The following FRAS1 variants were observed in gnomAD, a reference collection of about 807,000 sequenced individuals.
FRAS1 encodes extracellular matrix organizing protein FRAS1.
In FRAS1, 290 loss-of-function variants were observed where a neutral mutation model predicts 435.2. The observed-to-expected ratio is 0.67, with a 90% confidence interval of 0.61 to 0.73. The LOEUF is 0.73. FRAS1 is among the 30% of genes least tolerant of loss of function. The pLI is 0.00. For synonymous variants in FRAS1, 1,800 were observed against 1,851.0 expected (o/e 0.97, Z 0.71); for missense variants, 4,860 against 5,001.5 (o/e 0.97, Z 0.85).
intron 2 of FRAS1, among the ~76,000 whole-genome samples, chr4:78,194,523 G>C (rs911426047): frequency 6.6e-6 from 1 of 151,952 alleles, no homozygotes; most frequent in African/African-American, 2.4e-5. Context: ...TCATTCATTT[G>C]ATCTTCCATC....
intron 2 of FRAS1, among the ~76,000 whole-genome samples, chr4:78,165,121 C>A (rs929501930): frequency 6.6e-6 from 1 of 152,096 alleles, no homozygotes; most frequent in Non-Finnish European, 1.5e-5. Context: ...TGGTTAATGT[C>A]CAGGTAAAAC....
chr4:78,408,831 T>C (rs769859323), intron 31 of FRAS1, among the ~76,000 whole-genome samples: 20 of 152,054 alleles, frequency 1.3e-4, no homozygotes, highest in Non-Finnish European at 2.6e-4. Context: ...GGACAAGAAG[T>C]ATACTGCATA....
chr4:78,237,978 A>G (rs1027529132), intron 3 of FRAS1, among the ~76,000 whole-genome samples: 1 of 152,222 alleles, frequency 6.6e-6, no homozygotes, highest in Admixed American at 6.5e-5. Context: ...AACCATGATC[A>G]TGCAATTAAT....
chr4:78,527,041 A>G (rs1578374851), intron 70 of FRAS1, among the ~76,000 whole-genome samples: 1 of 152,312 alleles, frequency 6.6e-6, no homozygotes, highest in Admixed American at 6.5e-5. Context: ...TATGATAACC[A>G]TGAGTTCAAT....
At position 78,540,702 on chromosome 4, in the gene FRAS1, G is replaced by A. The variant is rs538116272; in HGVS notation, c.11617G>A (p.Glu3873Lys). The change falls in exon 74 of 74, where the codon GAA becomes AAA. Residue 3873 changes from glutamate (E) to lysine (K), a missense_variant. Transcript: ENST00000512123. ...TGATGATTCCCTCATCTATGACAAT[G>A]AAGGAGACCAAGTCAAGAATGGCAC... ...ILDDSLIYDNEGDQVKNGTNM... is the reference protein window; with the variant it reads ...ILDDSLIYDNKGDQVKNGTNM... The A allele has an allele frequency of 2.5e-6, 4 of 1,613,722 alleles. No individual in the cohort carries two copies. Among genetic ancestry groups the A allele is most frequent in the Non-Finnish European group, 3.4e-6 (4 of 1,179,830 alleles).
intron 6 of FRAS1, among the ~76,000 whole-genome samples, chr4:78,258,646 T>C (rs1241631434): frequency 6.7e-6 from 1 of 148,802 alleles, no homozygotes; most frequent in African/African-American, 2.4e-5. Flanking sequence ...TAGATATTCT[T>C]TAAATTTTTA....
chr4:78,336,707 T>G (rs888852963), intron 19 of FRAS1, among the ~76,000 whole-genome samples: 2 of 152,180 alleles, frequency 1.3e-5, no homozygotes, highest in Non-Finnish European at 2.9e-5. Context: ...GAGGCTTTAC[T>G]TGAAATCTGT....
chr4:78,532,481 A>G (rs1721744480), intron 70 of FRAS1, among the ~76,000 whole-genome samples: 1 of 152,146 alleles, frequency 6.6e-6, no homozygotes, highest in African/African-American at 2.4e-5. Context: ...TAACATACCC[A>G]TCTCCTCACT....
At position 78,539,393 on chromosome 4, in the gene FRAS1, A is replaced by G. The variant is rs762575219; in HGVS notation, c.11398A>G (p.Met3800Val). ...ELPDFHVVSN[M>V]PGVDGFTLKV... ...GCCTGATTTCCATGTGGTCAGTAAC[A>G]TGCCAGGTGTGGATGGATTTACTCT... The change falls in exon 73 of 74, where the codon ATG becomes GTG. Residue 3800 changes from methionine (M) to valine (V), a missense_variant. Transcript: ENST00000512123. The G allele has an allele frequency of 1.2e-6, 2 of 1,612,734 alleles. No individual in the cohort carries two copies. The highest frequency in any genetic ancestry group is 2.2e-5 in the East Asian group (1 of 44,816).
intron 35 of FRAS1, 97 bp from the exon 36 acceptor site, chr4:78,428,998 T>C: frequency 7.6e-7 from 1 of 1,319,962 alleles, no homozygotes; most frequent in Non-Finnish European, 1.0e-6. Context: ...GGAAACTGCC[T>C]GAAGAGGACC....
At chr4:78,062,735 C>G (rs28473654) in intron 1 of FRAS1, among the ~76,000 whole-genome samples, 4,458 of 152,222 alleles carry the variant, frequency 0.029, 210 homozygotes, top group African/African-American at 0.1. Flanking sequence ...TATGCAGTAA[C>G]GTTTTTTCTG....
intron 2 of FRAS1, among the ~76,000 whole-genome samples, chr4:78,114,800 C>G (rs1486954439): frequency 6.6e-6 from 1 of 152,236 alleles, no homozygotes; most frequent in Non-Finnish European, 1.5e-5. Flanking sequence ...TTCCTCTTTT[C>G]CTAATTGAAA....
chr4:78,513,297 T>C (rs1390025891), intron 64 of FRAS1, 95 bp from the exon 65 acceptor site: 8 of 1,272,266 alleles, frequency 6.3e-6, no homozygotes, highest in South Asian at 1.3e-5. Flanking sequence ...TGGTAGCTCA[T>C]TGGTGAAGAC....
At chr4:78,338,024 G>A (rs1180847201) in intron 20 of FRAS1, 2 of 533,650 alleles carry the variant, frequency 3.7e-6, no homozygotes, top group Non-Finnish European at 6.7e-6. Flanking sequence ...TAATACTCTT[G>A]CAAATCCTGA....
At chr4:78,373,717 G>C (rs1731605411) in intron 24 of FRAS1, among the ~76,000 whole-genome samples, 1 of 151,970 alleles carries the variant, frequency 6.6e-6, no homozygotes, top group Admixed American at 6.6e-5. Flanking sequence ...AGAGGTTGCG[G>C]TGAGCCGAGA....
At chr4:78,190,325 A>T (rs1385136389) in intron 2 of FRAS1, among the ~76,000 whole-genome samples, 1 of 152,034 alleles carries the variant, frequency 6.6e-6, no homozygotes, top group Non-Finnish European at 1.5e-5. Context: ...ACCCCACATG[A>T]CTGGCTCCCC....
intron 58 of FRAS1, among the ~76,000 whole-genome samples, chr4:78,488,251 C>A (rs1720234452): frequency 6.6e-6 from 1 of 152,224 alleles, no homozygotes; most frequent in African/African-American, 2.4e-5. Flanking sequence ...AATTTCTTTT[C>A]ACTATTTTAT....
intron 2 of FRAS1, among the ~76,000 whole-genome samples, chr4:78,096,563 G>A (rs1363818937): frequency 6.6e-6 from 1 of 152,186 alleles, no homozygotes; most frequent in Non-Finnish European, 1.5e-5. Context: ...AATCTAGGTG[G>A]GGTTCCCAGA....
intron 2 of FRAS1, among the ~76,000 whole-genome samples, chr4:78,183,507 T>C (rs1042910184): frequency 6.6e-6 from 1 of 152,156 alleles, no homozygotes; most frequent in Non-Finnish European, 1.5e-5. Flanking sequence ...CCAGAAAATG[T>C]ATTGTATTGT....
Sources: gnomAD v4.1 joint callset for allele counts (sites outside exome capture counted in the v4.1 genomes callset) on GRCh38, gnomAD v4.1.1 for gene constraint, MANE v1.5 for transcripts, NCBI Gene and HGNC (gene_info 2026-07-23, HGNC 2026-07-21) for gene names.